SLIT3: variants seen among roughly 807,000 people sequenced by gnomAD.
SLIT3 encodes slit guidance ligand 3, also known as slit homolog 3 protein.
In SLIT3, 68 loss-of-function variants were observed where a neutral mutation model predicts 184.0. That is an observed-to-expected ratio of 0.37 (90% confidence interval 0.30 to 0.45). SLIT3 has a LOEUF of 0.45. SLIT3 is among the 20% of genes least tolerant of loss of function. SLIT3 has a pLI of 1.00. For synonymous variants in SLIT3, 831 were observed against 828.6 expected (o/e 1.00, Z -0.05); for missense variants, 1,707 against 2,026.0 (o/e 0.84, Z 3.02).
At chr5:168,955,861 T>C (rs973019250) in intron 4 of SLIT3, among the ~76,000 whole-genome samples, 7 of 152,278 alleles carry the variant, frequency 4.6e-5, no homozygotes, top group African/African-American at 1.7e-4. Context: ...TCTCCCTTCC[T>C]GCCCCCACCA....
At chr5:169,184,354 A>T (rs1561721737) in intron 4 of SLIT3, among the ~76,000 whole-genome samples, 1 of 152,226 alleles carries the variant, frequency 6.6e-6, no homozygotes, top group East Asian at 1.9e-4. Context: ...ACCTGGGTTC[A>T]TTTCTGGTGA....
At chr5:168,936,682 C>T (rs546574637) in intron 4 of SLIT3, among the ~76,000 whole-genome samples, 55 of 152,248 alleles carry the variant, frequency 3.6e-4, no homozygotes, top group African/African-American at 1.1e-3. Context: ...TTTCCATATC[C>T]GGTGACTTCC....
chr5:168,843,598 C>T (rs1269359353), intron 6 of SLIT3, among the ~76,000 whole-genome samples: 1 of 152,114 alleles, frequency 6.6e-6, no homozygotes, highest in Non-Finnish European at 1.5e-5. Flanking sequence ...ACTGAGGCTC[C>T]CAGAGCCGAA....
chr5:169,200,824 A>G (rs1763886499), intron 3 of SLIT3, among the ~76,000 whole-genome samples: 1 of 152,076 alleles, frequency 6.6e-6, no homozygotes, highest in Admixed American at 6.6e-5. Context: ...GCAAATTTTC[A>G]TAATGCAAAC....
chr5:168,736,652 C>T (rs1227373893), intron 20 of SLIT3, among the ~76,000 whole-genome samples: 2 of 145,826 alleles, frequency 1.4e-5, no homozygotes, highest in Non-Finnish European at 3.0e-5. Context: ...TTGCCTCCTC[C>T]CTGCTGCAAT....
chr5:169,021,990 A>G (rs1756617778), intron 4 of SLIT3: 1 of 152,238 alleles, frequency 6.6e-6, no homozygotes, highest in Non-Finnish European at 1.5e-5. Context: ...TCTATTGGAT[A>G]TTGTAGATCT....
At chr5:169,146,637 C>T (rs967574190) in intron 4 of SLIT3, among the ~76,000 whole-genome samples, 3 of 152,156 alleles carry the variant, frequency 2.0e-5, no homozygotes, top group African/African-American at 4.8e-5. Context: ...CACCAGGATG[C>T]TCTCCCTGCT....
chr5:168,667,015 C>G (rs1482984193), intron 35 of SLIT3, among the ~76,000 whole-genome samples: 2 of 152,084 alleles, frequency 1.3e-5, no homozygotes, highest in Non-Finnish European at 1.5e-5. Flanking sequence ...AAATCCTGAC[C>G]CCAGACCAAT....
chr5:168,929,115 G>T (rs528265742), intron 4 of SLIT3, among the ~76,000 whole-genome samples: 1 of 152,308 alleles, frequency 6.6e-6, no homozygotes, highest in South Asian at 2.1e-4. Context: ...CTCTAATTGT[G>T]TCCATTTCAC....
At position 169,001,477 on chromosome 5, in the gene SLIT3, G is replaced by A. The variant is rs190971842; in HGVS notation, c.414-118141C>T. On this transcript the variant is annotated intron_variant, in intron 4 of 35. Transcript: ENST00000519560. ...AAGTACAGGCACATAGGCGGGTCAC[G>A]TCTTTTTTTTCCCTCCTTAAGTGTT... Among the ~76,000 whole-genome samples the A allele has an allele frequency of 3.3e-5, 5 of 152,146 alleles. No homozygotes were observed. The East Asian group carries it at 5.8e-4, about 18-fold the overall frequency.
intron 4 of SLIT3, among the ~76,000 whole-genome samples, chr5:169,087,426 G>A (rs1166217609): frequency 6.6e-6 from 1 of 152,222 alleles, no homozygotes; most frequent in African/African-American, 2.4e-5. Flanking sequence ...GTAGGGATGT[G>A]AGGCAGTGCT....
At chr5:168,762,399 G>T in intron 15 of SLIT3, 140 bp downstream of exon 15, 1 of 810,530 alleles carries the variant, frequency 1.2e-6, no homozygotes, top group Non-Finnish European at 2.0e-6. Context: ...TCTACCTTCA[G>T]ACCAGTATGT....
intron 20 of SLIT3, among the ~76,000 whole-genome samples, chr5:168,732,790 T>A (rs1270288972): frequency 1.3e-5 from 2 of 152,170 alleles, no homozygotes; most frequent in African/African-American, 4.8e-5. Flanking sequence ...ACTGGACTCA[T>A]ACTTTTCACC....
At chr5:168,973,292 G>A (rs1283950454) in intron 4 of SLIT3, among the ~76,000 whole-genome samples, 1 of 151,984 alleles carries the variant, frequency 6.6e-6, no homozygotes, top group Non-Finnish European at 1.5e-5. Flanking sequence ...TTTTTGCCCA[G>A]GCTGGAGTGC....
intron 4 of SLIT3, among the ~76,000 whole-genome samples, chr5:169,139,110 T>TC (rs1015943059): frequency 1.3e-4 from 20 of 152,342 alleles, no homozygotes; most frequent in African/African-American, 4.6e-4. Context: ...TGGTGATTTC[T>TC]CCCTGGGTAC....
chr5:169,040,278 A>ATT (rs113964567), intron 4 of SLIT3, among the ~76,000 whole-genome samples: 2 of 152,082 alleles, frequency 1.3e-5, no homozygotes, highest in Admixed American at 6.6e-5. Context: ...TCAATAAAGC[A>ATT]TTTTTTCCTT....
intron 9 of SLIT3, among the ~76,000 whole-genome samples, 170 bp downstream of exon 9, chr5:168,806,276 C>G (rs531263057): frequency 1.3e-5 from 2 of 152,316 alleles, no homozygotes; most frequent in South Asian, 4.1e-4. Flanking sequence ...TCTTGACCAC[C>G]AAGCTATCAT....
rs562792215 is a variant in SLIT3, at chr5:168,936,960, A to T, written c.414-53624T>A. ...TAAACAACTATACAAATAGCTTGTT[A>T]ACTATAGCTGGGCTTAGTGCAATCA... On this transcript the variant is annotated intron_variant, in intron 4 of 35. Transcript: ENST00000519560. 4.7e-4 allele frequency among the ~76,000 whole-genome samples: 71 copies of T among 152,310 alleles called. 3 individuals carry two copies. The South Asian group carries it at 0.014, about 30-fold the overall frequency.
At chr5:168,938,246 C>T (rs1022022379) in intron 4 of SLIT3, among the ~76,000 whole-genome samples, 1 of 152,178 alleles carries the variant, frequency 6.6e-6, no homozygotes. Context: ...AAGCATCCAT[C>T]CCCACCAAAA....
Sources: gnomAD v4.1 joint callset for allele counts (sites outside exome capture counted in the v4.1 genomes callset) on GRCh38, gnomAD v4.1.1 for gene constraint, MANE v1.5 for transcripts, NCBI Gene and HGNC (gene_info 2026-07-23, HGNC 2026-07-21) for gene names.